Variants in RBFOX1 observed in about 807,000 individuals in gnomAD.
RBFOX1 encodes RNA binding protein fox-1 homolog 1.
RBFOX1 carries 8 observed loss-of-function variants against 57.7 expected under a neutral mutation model. The ratio of observed to expected loss-of-function variants is 0.14; its 90% confidence interval spans 0.08 to 0.25. RBFOX1 has a LOEUF of 0.25. Among genes scored for constraint, RBFOX1 ranks in the 10% least tolerant of loss-of-function variants. The pLI, the probability that RBFOX1 is intolerant of heterozygous loss-of-function variation, is 1.00. For missense variants in RBFOX1, 611 were observed against 548.5 expected (o/e 1.11, Z -1.14); for synonymous variants, 326 against 222.4 (o/e 1.47, Z -4.15).
intron 3 of RBFOX1, among the ~76,000 whole-genome samples, chr16:5,860,166 T>A (rs140906480): frequency 3.5e-4 from 53 of 152,228 alleles, no homozygotes; most frequent in Middle Eastern, 6.8e-3. Flanking sequence ...CACTGCAACC[T>A]CCGCCTCCTG....
rs937514482 is a variant in RBFOX1, at chr16:5,275,321, C to A, written c.219+35216C>A. ...GTTGGGAATATTTCAAAGCTTATTG[C>A]TATTTAAAAATATACAATAAATTCA... On this transcript the variant is annotated intron_variant, in intron 1 of 2. Transcript: ENST00000585867. Among the ~76,000 whole-genome samples the A allele has an allele frequency of 7.9e-5, 12 of 152,086 alleles. 1 individual carries two copies. Among genetic ancestry groups the A allele is most frequent in the Non-Finnish European group, 1.5e-5 (1 of 68,030 alleles).
chr16:5,874,972 A>T (rs1232479862), intron 4 of RBFOX1, among the ~76,000 whole-genome samples: 1 of 152,150 alleles, frequency 6.6e-6, no homozygotes, highest in Non-Finnish European at 1.5e-5. Context: ...GAATGAATGG[A>T]TGGAGAATAG....
intron 14 of RBFOX1, among the ~76,000 whole-genome samples, chr16:7,687,070 C>T (rs921078218): frequency 1.3e-5 from 2 of 152,022 alleles, no homozygotes; most frequent in Admixed American, 1.3e-4. Flanking sequence ...ATGTGTTCCC[C>T]CTTTTCAAAA....
intron 1 of RBFOX1, among the ~76,000 whole-genome samples, chr16:5,395,767 T>C (rs1340973665): frequency 6.6e-6 from 1 of 152,206 alleles, no homozygotes; most frequent in Non-Finnish European, 1.5e-5. Flanking sequence ...TCGCATTCTT[T>C]CCACTGCTGA....
intron 3 of RBFOX1, among the ~76,000 whole-genome samples, chr16:7,021,318 T>A (rs2038987997): frequency 6.8e-6 from 1 of 148,058 alleles, no homozygotes; most frequent in Non-Finnish European, 1.5e-5. Flanking sequence ...ATATATATAT[T>A]TACTTTTTAA....
intron 3 of RBFOX1, among the ~76,000 whole-genome samples, chr16:6,896,575 C>A (rs1219286838): frequency 2.6e-5 from 4 of 152,276 alleles, no homozygotes; most frequent in East Asian, 3.9e-4. Context: ...CCAGTTCCAT[C>A]TTTGTCATTG....
At chr16:6,966,825 A>T (rs1008487667) in intron 3 of RBFOX1, among the ~76,000 whole-genome samples, 1 of 149,730 alleles carries the variant, frequency 6.7e-6, no homozygotes, top group Non-Finnish European at 1.5e-5. Flanking sequence ...CTGTCTATCT[A>T]TCTGTCTATC....
At chr16:6,921,293 CT>C (rs1353480511) in intron 3 of RBFOX1, among the ~76,000 whole-genome samples, 6 of 152,146 alleles carry the variant, frequency 3.9e-5, no homozygotes, top group South Asian at 2.1e-4. Context: ...TACAATTTAG[CT>C]GTGTCCTTTG....
intron 3 of RBFOX1, among the ~76,000 whole-genome samples, chr16:5,734,306 G>A (rs1045507120): frequency 2.6e-5 from 4 of 152,050 alleles, no homozygotes; most frequent in African/African-American, 9.7e-5. Context: ...CACAAAATAG[G>A]AATTTTTTCT....
chr16:7,276,635 C>T (rs900264123), intron 4 of RBFOX1, among the ~76,000 whole-genome samples: 1 of 152,096 alleles, frequency 6.6e-6, no homozygotes, highest in Non-Finnish European at 1.5e-5. Flanking sequence ...TTTCCTCACT[C>T]CTCCAAATTC....
rs143350468 is a variant in RBFOX1 at position 7,330,867 on chromosome 16, G to A, written c.28-187280G>A. Among the ~76,000 whole-genome samples the A allele has an allele frequency of 4.3e-3, 657 of 152,236 alleles. 4 individuals carry two copies. The highest frequency in any genetic ancestry group is 0.015 in the African/African-American group (635 of 41,546). On this transcript the variant is annotated intron_variant, in intron 4 of 15. Transcript: ENST00000550418. ...GAAAGCAGACGGGAGAGACACGTCC[G>A]TCTCACAGTGATGCTTCTGTCCTCC...
At chr16:6,823,519 A>T (rs1252359411) in intron 3 of RBFOX1, among the ~76,000 whole-genome samples, 2 of 145,326 alleles carry the variant, frequency 1.4e-5, no homozygotes, top group African/African-American at 5.7e-5. Context: ...AGTCTCCCAA[A>T]GTGCTGGTAT....
At chr16:7,639,458 G>T (rs919888387) in intron 11 of RBFOX1, among the ~76,000 whole-genome samples, 4 of 152,078 alleles carry the variant, frequency 2.6e-5, no homozygotes, top group Non-Finnish European at 5.9e-5. Flanking sequence ...GGGGTTGAAA[G>T]GTGTTACTTC....
chr16:5,375,815 A>G (rs1465179336), intron 1 of RBFOX1, among the ~76,000 whole-genome samples: 1 of 152,188 alleles, frequency 6.6e-6, no homozygotes, highest in East Asian at 1.9e-4. Flanking sequence ...CTGTTGTTAA[A>G]CTAACTAAAG....
intron 4 of RBFOX1, among the ~76,000 whole-genome samples, chr16:7,246,762 T>C (rs2094318340): frequency 6.6e-6 from 1 of 150,728 alleles, no homozygotes; most frequent in African/African-American, 2.4e-5. Flanking sequence ...GGACAGCGCC[T>C]ACGTAGCACA....
chr16:7,429,282 C>T (rs1337567993), intron 4 of RBFOX1, among the ~76,000 whole-genome samples: 2 of 152,230 alleles, frequency 1.3e-5, no homozygotes, highest in Admixed American at 6.5e-5. Context: ...CTTCTTCCTC[C>T]TGCTGAAGCA....
chr16:5,423,389 A>G (rs534133538), intron 1 of RBFOX1, among the ~76,000 whole-genome samples: 3 of 152,274 alleles, frequency 2.0e-5, no homozygotes, highest in Admixed American at 6.5e-5. Flanking sequence ...TTATGTAACA[A>G]CAAATGCAAC....
intron 4 of RBFOX1, among the ~76,000 whole-genome samples, chr16:7,082,679 T>C (rs1374851608): frequency 2.0e-5 from 3 of 152,242 alleles, no homozygotes. Context: ...AATGAAGGCT[T>C]GCAGACTTTC....
chr16:5,548,003 TA>T (rs948131815), intron 2 of RBFOX1, among the ~76,000 whole-genome samples: 10 of 150,536 alleles, frequency 6.6e-5, no homozygotes, highest in East Asian at 1.9e-4. Context: ...CTACTAAAAA[TA>T]AAAAAAATTA....
Sources: allele counts gnomAD v4.1 joint callset (sites outside exome capture counted in the v4.1 genomes callset), GRCh38; gene constraint gnomAD v4.1.1; transcripts MANE v1.5; gene names NCBI Gene and HGNC (gene_info 2026-07-23, HGNC 2026-07-21).